The following APLP1 variants were observed in gnomAD, a reference collection of about 807,000 sequenced individuals.
APLP1 encodes the protein amyloid beta (A4) precursor-like protein 1.
Under a neutral mutation model 84.5 loss-of-function variants are expected in APLP1, and 46 were observed. The observed-to-expected ratio is 0.54, with a 90% CI of 0.43 to 0.70. The LOEUF (loss-of-function observed/expected upper bound fraction) is 0.70, where lower values mean the gene tolerates loss of function less well. APLP1 is among the 30% of genes least tolerant of loss of function. The pLI is 0.00. For synonymous variants in APLP1, 376 were observed against 364.0 expected, an observed-to-expected ratio of 1.03 and a Z score of -0.38; for missense variants, 826 against 900.2, an observed-to-expected ratio of 0.92 and a Z score of 1.05.
At chr19:35,870,506 G>A (rs367789089) in intron 2 of APLP1, 63 of 204,542 alleles carry the variant, frequency 3.1e-4, no homozygotes, top group African/African-American at 1.4e-3. Flanking sequence ...GGACCTGGCC[G>A]GGCGCGGTGG....
In APLP1 at chr19:35,870,966, G is replaced by C; in HGVS notation, c.362G>C (p.Gly121Ala). Residue 121 changes from glycine to alanine, a missense_variant, in exon 3 of 17, where the codon GGG becomes GCG. Coordinates refer to ENST00000221891, the MANE Select transcript of APLP1 (RefSeq NM_001024807.3). ...GCCATCCCCATGGAGCGCTGGTGCG[G>C]GGGTTCCCGGAGCGGCAGCTGCGCC... ...TQAIPMERWC[G>A]GSRSGSCAHP... 6.3e-7 allele frequency: 1 copy of C among 1,583,082 alleles called. No homozygotes were observed.
At chr19:35,869,847 T>C (rs1261774357) in intron 2 of APLP1, 37 bp downstream of exon 2, 5 of 1,550,860 alleles carry the variant, frequency 3.2e-6, no homozygotes, top group East Asian at 2.4e-5. Flanking sequence ...GGGCCGCCCA[T>C]AGAAAGCTAG....
chr19:35,875,845 C>T (rs1485974133), intron 10 of APLP1, among the ~76,000 whole-genome samples: 1 of 151,702 alleles, frequency 6.6e-6, no homozygotes, highest in Admixed American at 6.6e-5. Context: ...TCTCGAACTC[C>T]TGACCTCAGG....
intron 11 of APLP1, among the ~76,000 whole-genome samples, chr19:35,876,861 A>G (rs988849545): frequency 6.6e-6 from 1 of 152,166 alleles, no homozygotes; most frequent in African/African-American, 2.4e-5. Flanking sequence ...CAGATCATCT[A>G]GGGGCTGGGA....
chr19:35,872,640 C>A, intron 7 of APLP1, 27 bp downstream of exon 7: 3 of 1,605,134 alleles, frequency 1.9e-6, no homozygotes, highest in Non-Finnish European at 2.6e-6. Context: ...CCCCAGGACC[C>A]CCTACAGTAC....
chr19:35,869,338 ACTC>A (rs1450568942), intron 1 of APLP1: 1 of 548,896 alleles, frequency 1.8e-6, no homozygotes, highest in African/African-American at 2.0e-5. Flanking sequence ...AGGGGCCAGA[ACTC>A]CTGGGTTCTG....
At chr19:35,875,391 T>C (rs1006246326) in intron 10 of APLP1, among the ~76,000 whole-genome samples, 3 of 150,918 alleles carry the variant, frequency 2.0e-5, no homozygotes, top group Non-Finnish European at 4.4e-5. Context: ...AGTGACATGA[T>C]CTGGGCTCAC....
At chr19:35,878,207 G>A (rs931655023) in intron 13 of APLP1, 99 bp downstream of exon 13, 9 of 1,338,146 alleles carry the variant, frequency 6.7e-6, no homozygotes, top group Non-Finnish European at 8.3e-6. Context: ...GACCCCCTGG[G>A]GTAGAGTTTG....
In APLP1 at chr19:35,874,831, G is replaced by T; in HGVS notation, c.1306G>T (p.Ala436Ser). ...GCTGCGCCACTACCAGCATGTGGCCGCCGTGGATCCCGAGAAGGCACAGCA... is the reference window on the plus strand; with the variant it reads ...GCTGCGCCACTACCAGCATGTGGCCTCCGTGGATCCCGAGAAGGCACAGCA... Reference protein sequence around the residue: ...HTLRHYQHVAAVDPEKAQQMR... With the variant: ...HTLRHYQHVASVDPEKAQQMR... The change falls in exon 10 of 17, where the codon GCC becomes TCC. Residue 436 changes from alanine to serine, a missense_variant. Coordinates refer to ENST00000221891, the MANE Select transcript of APLP1 (RefSeq NM_001024807.3). This position sits in a 1 kb window ranked among gnomAD's most constrained non-coding sequence, Gnocchi z 6.4. 1 of 1,611,460 alleles carries T rather than the reference G, an allele frequency of 6.2e-7. No individual in the cohort carries two copies. The highest frequency in any genetic ancestry group is 8.5e-7 in the Non-Finnish European group (1 of 1,179,976).
chr19:35,878,583 G>C lies in APLP1; in HGVS notation c.1580-1G>C. 6.2e-7 allele frequency: 1 copy of C among 1,613,992 alleles called. No individual in the cohort carries two copies. Among genetic ancestry groups the C allele is most frequent in the Non-Finnish European group, 8.5e-7 (1 of 1,179,964 alleles). On this transcript the variant is annotated splice_acceptor_variant, in intron 13 of 16. Coordinates refer to ENST00000221891, the MANE Select transcript of APLP1 (RefSeq NM_001024807.3). LOFTEE classifies it high-confidence loss of function. The stretch of plus-strand genomic sequence containing the variant: ...AAGAATGAGATCAGACTTGGGGGTA[G>C]GGTCCACAGAACAAGATGCTGCATC...
Position 35,872,514 on chromosome 19 carries a change from G to A in APLP1, c.882G>A (p.Val294=), listed in dbSNP as rs762723963. 2 of 1,613,758 alleles carry A rather than the reference G, an allele frequency of 1.2e-6. No homozygotes were observed. The highest frequency in any genetic ancestry group is 1.1e-5 in the South Asian group (1 of 91,052). The change falls in exon 7 of 17, where the codon GTG becomes GTA. Residue 294 remains valine (V), a synonymous_variant. Coordinates refer to ENST00000221891, the MANE Select transcript of APLP1 (RefSeq NM_001024807.3). ...CCACCCCGAGGCCCACAGACGGTGT[G>A]GATATTTACTTTGGCATGCCTGGGG... is the stretch of plus-strand genomic sequence containing the variant. ...VTPTPRPTDG[V]DIYFGMPGEI... is the part of the protein sequence containing the mutation.
At position 35,876,603 on chromosome 19, in the gene APLP1, G is replaced by A. The variant is rs769981169; in HGVS notation, c.1431G>A (p.Leu477=). Residue 477 remains leucine (L), a synonymous_variant, in exon 11 of 17, where the codon CTG becomes CTA. Transcript: ENST00000221891. Reference sequence around the variant, plus strand: ...AGAACCCCCACCTGGCTCAGGAGCTGCGGCCCCAAATCCGTGAGTGTCTAT... The same window carrying A: ...AGAACCCCCACCTGGCTCAGGAGCTACGGCCCCAAATCCGTGAGTGTCTAT... ...LDQNPHLAQE[L]RPQIQELLHS... 5.6e-6 allele frequency: 9 copies of A among 1,612,114 alleles called. No individual in the cohort carries two copies. The African/African-American group carries it at 8.0e-5, about 14-fold the overall frequency.
Position 35,871,867 on chromosome 19 carries a change from C to T in APLP1, c.681C>T (p.Ser227=), listed in dbSNP as rs1481320594. ...TCTCCTGCTCCCTCAGTGACCCCTCCACCCGGTCCTGGCCCCCGGGGAGCA... is the reference window on the plus strand; with the variant it reads ...TCTCCTGCTCCCTCAGTGACCCCTCTACCCGGTCCTGGCCCCCGGGGAGCA... The part of the protein sequence containing the change: ...DPSGTAVGDP[S]TRSWPPGSRV... The change falls in exon 6 of 17, where the codon TCC becomes TCT. Residue 227 remains serine, a synonymous_variant. Transcript: ENST00000221891. The T allele has an allele frequency of 3.1e-6, 5 of 1,613,846 alleles. No individual in the cohort carries two copies. The highest frequency in any genetic ancestry group is 2.2e-5 in the East Asian group (1 of 44,872).
rs935717865 is a variant in APLP1 at position 35,869,478 on chromosome 19, A to G, written c.148-189A>G. 84 of 784,588 alleles carry G rather than the reference A, an allele frequency of 1.1e-4. No individual in the cohort carries two copies. In the African/African-American group the frequency reaches 1.4e-3, roughly 13 times the overall value. 48.6% of individuals were successfully genotyped at this position (784,588 alleles called of 1,614,324 possible). A position where few individuals can be genotyped will look rare whatever the true frequency, so the allele number is the denominator to read the frequency against. ...CCCGGGGGACCCAGGTCGCCATAGC[A>G]ACGGGAGCGCTGGGGCGCCCCCGCC... On this transcript the variant is annotated intron_variant, in intron 1 of 16. Transcript: ENST00000221891.
intron 8 of APLP1, 37 bp downstream of exon 8, chr19:35,873,750 C>T (rs1451416422): frequency 5.0e-6 from 8 of 1,590,766 alleles, no homozygotes; most frequent in South Asian, 1.1e-5. Context: ...CATGCCTGTC[C>T]ACCACCTGGA....
In APLP1 at chr19:35,871,700, G is replaced by T; in HGVS notation, c.626G>T (p.Cys209Phe). 6.2e-7 allele frequency: 1 copy of T among 1,614,076 alleles called. No homozygotes were observed. The highest frequency in any genetic ancestry group is 8.5e-7 in the Non-Finnish European group (1 of 1,180,020). Residue 209 changes from cysteine to phenylalanine, a missense_variant, in exon 5 of 17, where the codon TGC (cysteine) becomes TTC (phenylalanine). Physicochemically the swap from Cys to Phe is radical, Grantham distance 205. This residue lies in a region of APLP1 where 383 missense variants were observed against 378.3 expected (regional missense o/e 1.01). Transcript: ENST00000221891. Reference sequence around the variant, plus strand: ...CGGTTCCGTGGTGTGGAGTATGTGTGCTGTCCCCCTCCAGGGACCCCCGAC... The same window carrying T: ...CGGTTCCGTGGTGTGGAGTATGTGTTCTGTCCCCCTCCAGGGACCCCCGAC... ...SDRFRGVEYV[C>F]CPPPGTPDPS... is the part of the protein sequence containing the mutation.
In APLP1 at chr19:35,874,466, C is replaced by A. The variant is rs230263; in HGVS notation, c.1057-38C>A. 79,163 of 1,609,946 alleles carry A rather than the reference C, an allele frequency of 0.049. 4,366 individuals are homozygous for A. The highest frequency in any genetic ancestry group is 0.29 in the African/African-American group (21,371 of 74,894). ...TCTCTTTGACCAGGCTTTGACCCAT[C>A]TTCTCCTCTCCTGACCCTGTGCCCA... On this transcript the variant is annotated intron_variant, in intron 8 of 16. Coordinates refer to ENST00000221891, the MANE Select transcript of APLP1 (RefSeq NM_001024807.3). This position sits in a 1 kb window ranked among gnomAD's most constrained non-coding sequence, Gnocchi z 6.4.
At position 35,874,710 on chromosome 19, in the gene APLP1, C is replaced by T. The variant is rs1437499141; in HGVS notation, c.1216-31C>T. On this transcript the variant is annotated intron_variant, in intron 9 of 16. Coordinates refer to ENST00000221891, the MANE Select transcript of APLP1 (RefSeq NM_001024807.3). This position sits in a 1 kb window ranked among gnomAD's most constrained non-coding sequence, Gnocchi z 6.4. ...GAGCAGAGGGTGAGAAGGGTCAGGGCGGGCTTGGGCATCCTGTGTCCCTTC... is the reference window on the plus strand; with the variant it reads ...GAGCAGAGGGTGAGAAGGGTCAGGGTGGGCTTGGGCATCCTGTGTCCCTTC... 6.2e-6 allele frequency: 10 copies of T among 1,612,064 alleles called. No individual in the cohort carries two copies. Among genetic ancestry groups the T allele is most frequent in the Middle Eastern group, 1.7e-4 (1 of 6,058 alleles).
intron 14 of APLP1, 64 bp downstream of exon 14, chr19:35,878,718 C>A (rs1255954992): frequency 5.0e-6 from 8 of 1,585,320 alleles, no homozygotes; most frequent in Non-Finnish European, 6.1e-6. Flanking sequence ...TGGCTGGGTA[C>A]GAGGGAGGAG....
Sources: allele counts gnomAD v4.1 joint callset (sites outside exome capture counted in the v4.1 genomes callset), GRCh38; gene constraint gnomAD v4.1.1; regional missense constraint gnomAD v4.1.1; non-coding constraint Gnocchi (gnomAD v3.1); transcripts MANE v1.5; gene names NCBI Gene and HGNC (gene_info 2026-07-23, HGNC 2026-07-21).